Variants in URB2 observed in about 807,000 individuals in gnomAD.
URB2 encodes URB2 ribosome biogenesis homolog.
Under a neutral mutation model 120.9 loss-of-function variants are expected in URB2, and 86 were observed. The observed-to-expected ratio is 0.71, with a 90% CI of 0.60 to 0.85. URB2 has a LOEUF of 0.85. Among genes scored for constraint, URB2 ranks in the 40% least tolerant of loss-of-function variants. The probability of loss-of-function intolerance (pLI) is 0.00; values close to 1 mark genes in which losing one functional copy is unlikely to be tolerated. For missense variants in URB2, 1,765 were observed against 1,836.5 expected (o/e 0.96, Z 0.71); for synonymous variants, 755 against 758.4 (o/e 1.00, Z 0.07).
intron 2 of URB2, among the ~76,000 whole-genome samples, chr1:229,631,513 A>G (rs1665666143): frequency 6.6e-6 from 1 of 152,144 alleles, no homozygotes; most frequent in South Asian, 2.1e-4. Context: ...TTAGCTTTGG[A>G]TTTAAAGAGA....
chr1:229,645,916 G>A lies in URB2; in HGVS notation c.3853G>A (p.Glu1285Lys), dbSNP rs1171882566. 8 of 1,614,218 alleles carry A rather than the reference G, an allele frequency of 5.0e-6. No individual in the cohort carries two copies. The highest frequency in any genetic ancestry group is 6.8e-6 in the Non-Finnish European group (8 of 1,180,030). ...GCTACTGAACTGCCCACTCAGTGGA[G>A]AGAAAGCAAGTCTGTTGTGGCGTGC... ...RLLLNCPLSGEKASLLWRACP... is the reference protein window; with the variant it reads ...RLLLNCPLSGKKASLLWRACP... Residue 1285 changes from glutamate to lysine, a missense_variant, in exon 6 of 10, where the codon GAG (glutamate) becomes AAG (lysine). Coordinates refer to ENST00000258243, the MANE Select transcript of URB2 (RefSeq NM_014777.4).
At position 229,635,276 on chromosome 1, in the gene URB2, C is replaced by T; in HGVS notation, c.663C>T (p.Gly221=). Residue 221 remains glycine (G), a synonymous_variant, in exon 4 of 10, where the codon GGC becomes GGT. Coordinates refer to ENST00000258243, the MANE Select transcript of URB2 (RefSeq NM_014777.4). ...CTGGGGGCACATGGACGCAGGCTGGCCAGGGCCAGCTGAGGCAGGTGCTGA... is the reference window on the plus strand; with the variant it reads ...CTGGGGGCACATGGACGCAGGCTGGTCAGGGCCAGCTGAGGCAGGTGCTGA... ...LLSGGTWTQA[G]QGQLRQVLSR... The T allele has an allele frequency of 6.2e-7, 1 of 1,614,226 alleles. No homozygotes were observed. The highest frequency in any genetic ancestry group is 8.5e-7 in the Non-Finnish European group (1 of 1,180,056).
Position 229,637,529 on chromosome 1 carries a change from G to T in URB2, c.2916G>T (p.Glu972Asp). 3.7e-6 allele frequency: 6 copies of T among 1,614,208 alleles called. No homozygotes were observed. Among genetic ancestry groups the T allele is most frequent in the Non-Finnish European group, 5.1e-6 (6 of 1,180,040 alleles). The part of the protein sequence containing the change: ...FKIMYGSDIF[E>D]VVLTSLFRAS... ...TCATGTATGGTAGTGATATTTTTGAGGTTGTACTGACCTCATTGTTCAGAG... is the reference window on the plus strand; with the variant it reads ...TCATGTATGGTAGTGATATTTTTGATGTTGTACTGACCTCATTGTTCAGAG... Residue 972 changes from glutamate to aspartate, a missense_variant, in exon 4 of 10, where the codon GAG becomes GAT. By Grantham distance (45) the Glu-to-Asp change is conservative. Transcript: ENST00000258243.
Position 229,653,949 on chromosome 1 carries a change from T to G in URB2, c.4238-300T>G, listed in dbSNP as rs189305967. On this transcript the variant is annotated intron_variant, in intron 8 of 9. Coordinates refer to ENST00000258243, the MANE Select transcript of URB2 (RefSeq NM_014777.4). ...CTCCATCTTGGTGTTTTTTTTTTTT[T>G]TTTTTTTTTTTAAGTAATCCTAGAT... is the stretch of plus-strand genomic sequence containing the variant. Among the ~76,000 whole-genome samples the G allele has an allele frequency of 1.1e-3, 163 of 150,476 alleles. 2 individuals carry two copies. The highest frequency in any genetic ancestry group is 4.3e-4 in the Non-Finnish European group (29 of 67,600).
intron 9 of URB2, among the ~76,000 whole-genome samples, chr1:229,656,690 C>T (rs1666414729): frequency 6.6e-6 from 1 of 152,162 alleles, no homozygotes; most frequent in Non-Finnish European, 1.5e-5. Flanking sequence ...CTGGTGGGAC[C>T]TGTCAGTAGT....
At chr1:229,628,013 G>T (rs959123961) in intron 2 of URB2, among the ~76,000 whole-genome samples, 1 of 149,136 alleles carries the variant, frequency 6.7e-6, no homozygotes, top group East Asian at 1.9e-4. Context: ...ATTTTGGGAG[G>T]CCAAAGCGGG....
At position 229,640,752 on chromosome 1, in the gene URB2, G is replaced by T. The variant is rs556439325; in HGVS notation, c.3634+2505G>T. Among the ~76,000 whole-genome samples the T allele has an allele frequency of 1.4e-4, 22 of 152,266 alleles. No homozygotes were observed. In the South Asian group the frequency reaches 4.6e-3, roughly 32 times the overall value. ...TCTCCCTTTCAGTAACCTGTCTCTG[G>T]CTGGATTGTGGATTAACTGAAAGGC... On this transcript the variant is annotated intron_variant, in intron 4 of 9. Coordinates refer to ENST00000258243, the MANE Select transcript of URB2 (RefSeq NM_014777.4).
rs748010278 is a variant in URB2, at chr1:229,636,432, C to T, written c.1819C>T (p.Leu607Phe). ...LWLQKVSDSV[L>F]LLSYTWAQVD... is the part of the protein sequence containing the mutation. ...GCTGCAGAAGGTCAGTGACTCTGTG[C>T]TCCTGCTCTCTTACACTTGGGCCCA... Residue 607 changes from leucine to phenylalanine, a missense_variant, in exon 4 of 10, where the codon CTC becomes TTC. Transcript: ENST00000258243. 2 of 1,614,138 alleles carry T rather than the reference C, an allele frequency of 1.2e-6. No individual in the cohort carries two copies. The highest frequency in any genetic ancestry group is 1.3e-5 in the African/African-American group (1 of 74,954).
rs529314411 is a variant in URB2, at chr1:229,651,980, A to G, written c.4237+658A>G. Among the ~76,000 whole-genome samples, 46 of 152,242 alleles carry G rather than the reference A, an allele frequency of 3.0e-4. 1 individual carries two copies. The highest frequency in any genetic ancestry group is 1.7e-3 in the South Asian group (8 of 4,830). ...GTGGATTACCTGAGGTCAGGAGTTG[A>G]AGCCCAGCCTGGCCAACATGGTGAA... On this transcript the variant is annotated intron_variant, in intron 8 of 9. Transcript: ENST00000258243.
Position 229,628,109 on chromosome 1 carries a change from G to GTA in URB2, c.126+358_126+359dup, listed in dbSNP as rs1263361799. On this transcript the variant is annotated intron_variant, in intron 2 of 9. Coordinates refer to ENST00000258243, the MANE Select transcript of URB2 (RefSeq NM_014777.4). ...TAAAAAAATTATATATATTATATAT[G>GTA]TATATATATGTATATATACATATAT... 6.2e-5 allele frequency among the ~76,000 whole-genome samples: 8 copies of GTA among 128,434 alleles called. No individual in the cohort carries two copies. In the East Asian group the frequency reaches 8.4e-4, roughly 13 times the overall value. 84.3% of individuals were successfully genotyped at this position (128,434 alleles called of 152,430 possible). A position where few individuals can be genotyped will look rare whatever the true frequency, so the allele number is the denominator to read the frequency against.
chr1:229,659,426 G>A lies in URB2; in HGVS notation c.*129G>A. On this transcript the variant is annotated 3_prime_UTR_variant, in exon 10 of 10. Coordinates refer to ENST00000258243, the MANE Select transcript of URB2 (RefSeq NM_014777.4). The stretch of plus-strand genomic sequence containing the variant: ...ATTGGTATACATAGAAAATCCTTTG[G>A]GGTTTATGTAGTATATTTTGATGTA... 1.0e-6 allele frequency: 1 copy of A among 975,422 alleles called. No homozygotes were observed. The highest frequency in any genetic ancestry group is 2.5e-5 in the East Asian group (1 of 39,744). The allele number at this position is 975,422 out of a possible 1,614,324, so 60.4% of individuals were successfully genotyped here.
At position 229,635,319 on chromosome 1, in the gene URB2, C is replaced by T; in HGVS notation, c.706C>T (p.Gln236Ter). 1.2e-6 allele frequency: 2 copies of T among 1,614,110 alleles called. No individual in the cohort carries two copies. Among genetic ancestry groups the T allele is most frequent in the Non-Finnish European group, 1.7e-6 (2 of 1,179,978 alleles). Reference protein sequence around the residue: ...RQVLSRDIRSQIEAMFRGGIF... With the variant: ...RQVLSRDIRS ...GGTGCTGAGCCGGGACATCAGGAGT[C>T]AGATTGAGGCCATGTTCCGAGGAGG... The change falls in exon 4 of 10, where the codon CAG becomes TAG. Residue 236 changes from glutamine to a stop codon, truncating the protein, a stop_gained. Transcript: ENST00000258243. LOFTEE classifies it high-confidence loss of function.
In URB2 at chr1:229,637,305, T is replaced by C; in HGVS notation, c.2692T>C (p.Leu898=). The C allele has an allele frequency of 6.2e-7, 1 of 1,614,184 alleles. No individual in the cohort carries two copies. The highest frequency in any genetic ancestry group is 8.5e-7 in the Non-Finnish European group (1 of 1,180,040). The change falls in exon 4 of 10, where the codon TTG becomes CTG. Residue 898 remains leucine, a synonymous_variant. Coordinates refer to ENST00000258243, the MANE Select transcript of URB2 (RefSeq NM_014777.4). ...GCAGTTGGAAAGCATCCTGGGGCTT[T>C]TGGAAGTGATTTCTGCCTTACAGCT... ...GEQLESILGL[L]EVISALQLDS...
intron 5 of URB2, among the ~76,000 whole-genome samples, chr1:229,644,907 A>G (rs1209302547): frequency 6.6e-6 from 1 of 152,144 alleles, no homozygotes; most frequent in Non-Finnish European, 1.5e-5. Flanking sequence ...TTATTTTTCA[A>G]AGGGGAAGTT....
At chr1:229,638,323 A>G in intron 4 of URB2, 76 bp downstream of exon 4, 4 of 1,459,202 alleles carry the variant, frequency 2.7e-6, no homozygotes, top group South Asian at 1.3e-5. Context: ...GGAACTGGGA[A>G]TAAGTGAACA....
At chr1:229,652,255 A>G (rs1666297488) in intron 8 of URB2, among the ~76,000 whole-genome samples, 2 of 152,202 alleles carry the variant, frequency 1.3e-5, no homozygotes, top group African/African-American at 4.8e-5. Context: ...GAAATTGCAT[A>G]GCATGTACCA....
At position 229,637,005 on chromosome 1, in the gene URB2, A is replaced by C. The variant is rs771958746; in HGVS notation, c.2392A>C (p.Ser798Arg). The C allele has an allele frequency of 6.2e-7, 1 of 1,614,098 alleles. No individual in the cohort carries two copies. The highest frequency in any genetic ancestry group is 1.1e-5 in the South Asian group (1 of 91,082). ...LEKISKAFLH[S>R]PLFPEMQSLH... Reference sequence around the variant, plus strand: ...AAAAATATCCAAAGCCTTCCTTCATAGCCCTCTCTTTCCAGAGATGCAGTC... The same window carrying C: ...AAAAATATCCAAAGCCTTCCTTCATCGCCCTCTCTTTCCAGAGATGCAGTC... Residue 798 changes from serine (S) to arginine (R), a missense_variant, in exon 4 of 10, where the codon AGC (serine) becomes CGC (arginine). Transcript: ENST00000258243.
chr1:229,638,695 A>G (rs1362607406), intron 4 of URB2, among the ~76,000 whole-genome samples: 1 of 151,786 alleles, frequency 6.6e-6, no homozygotes, highest in Admixed American at 6.6e-5. Flanking sequence ...CCTCCCTTCT[A>G]GGCCCAGCAC....
chr1:229,647,330 A>G (rs1666168733), intron 6 of URB2, among the ~76,000 whole-genome samples, 180 bp from the exon 7 acceptor site: 1 of 152,174 alleles, frequency 6.6e-6, no homozygotes, highest in African/African-American at 2.4e-5. Flanking sequence ...CATGAATTGA[A>G]TATCTTTCAC....
Sources: gnomAD v4.1 joint callset for allele counts (sites outside exome capture counted in the v4.1 genomes callset) on GRCh38, gnomAD v4.1.1 for gene constraint, MANE v1.5 for transcripts, NCBI Gene and HGNC (gene_info 2026-07-23, HGNC 2026-07-21) for gene names.